The following PAPOLG variants were observed in gnomAD, a reference collection of about 807,000 sequenced individuals.
The protein encoded by PAPOLG is PAP-gamma.
A neutral mutation model predicts 99.0 loss-of-function variants in PAPOLG; 40 were observed. The observed-to-expected ratio is 0.40, with a 90% confidence interval of 0.31 to 0.53. The LOEUF (loss-of-function observed/expected upper bound fraction) is 0.53. Ranked by LOEUF, PAPOLG falls within the 20% of genes least tolerant of loss-of-function variation. The pLI is 0.41. For synonymous variants in PAPOLG, 310 were observed against 299.3 expected (o/e 1.04, Z -0.37); for missense variants, 675 against 884.1 (o/e 0.76, Z 3.00).
chr2:60,775,019 C>T lies in PAPOLG; in HGVS notation c.605-15C>T. On this transcript the variant is annotated splice_polypyrimidine_tract_variant and intron_variant, in intron 7 of 21. Coordinates refer to ENST00000238714, the MANE Select transcript of PAPOLG (RefSeq NM_022894.4). ...TTTGCTGCATAGTGAAAAATGAATG[C>T]TTTGTCTTTTTCAGGTTGTAGAGTT... 6.2e-7 allele frequency: 1 copy of T among 1,611,778 alleles called. No individual in the cohort carries two copies. The highest frequency in any genetic ancestry group is 1.1e-5 in the South Asian group (1 of 90,256).
At chr2:60,788,385 G>A (rs1406243469) in intron 15 of PAPOLG, among the ~76,000 whole-genome samples, 9 of 152,198 alleles carry the variant, frequency 5.9e-5, no homozygotes, top group South Asian at 2.1e-4. Flanking sequence ...GCAGTGGTGC[G>A]ATCTCAGCTC....
rs1472891290 is a variant in PAPOLG, at chr2:60,760,599, TGAA to T, written c.179+306_179+308del. 2.0e-5 allele frequency among the ~76,000 whole-genome samples: 3 copies of T among 152,116 alleles called. No homozygotes were observed. In the South Asian group the frequency reaches 6.2e-4, roughly 32 times the overall value. ...TTACATTTAAGGGAAAATTTAAAGA[TGAA>T]GGAGGGAGCCATGTGTCTATCTGAG... On this transcript the variant is annotated intron_variant, in intron 2 of 21. Transcript: ENST00000238714.
chr2:60,797,266 G>C lies in PAPOLG; in HGVS notation c.*106G>C, dbSNP rs1392388557. 7.2e-7 allele frequency: 1 copy of C among 1,397,116 alleles called. No homozygotes were observed. The highest frequency in any genetic ancestry group is 1.0e-6 in the Non-Finnish European group (1 of 1,001,060). 86.5% of individuals were successfully genotyped at this position (1,397,116 alleles called of 1,614,324 possible). On this transcript the variant is annotated 3_prime_UTR_variant, in exon 22 of 22. Coordinates refer to ENST00000238714, the MANE Select transcript of PAPOLG (RefSeq NM_022894.4). ...CTGTCATACGTGAAATAAGGTGAAA[G>C]TGACAGCCTTCAGTCTAATAACCTT...
intron 4 of PAPOLG, 87 bp downstream of exon 4, chr2:60,768,638 T>G: frequency 1.5e-6 from 2 of 1,356,908 alleles, no homozygotes; most frequent in Admixed American, 2.0e-5. Flanking sequence ...AAGTTCCCAC[T>G]ATTTCACTAC....
intron 3 of PAPOLG, among the ~76,000 whole-genome samples, chr2:60,764,627 T>C (rs1371522431): frequency 6.6e-6 from 1 of 152,112 alleles, no homozygotes; most frequent in African/African-American, 2.4e-5. Context: ...GGTTTTGCCA[T>C]GTTGGCCAGG....
chr2:60,769,815 C>T (rs1670795410), intron 5 of PAPOLG, among the ~76,000 whole-genome samples: 1 of 152,030 alleles, frequency 6.6e-6, no homozygotes, highest in Non-Finnish European at 1.5e-5. Context: ...AGGTTTGTTA[C>T]ATAGGTATAC....
At chr2:60,782,843 A>G in intron 12 of PAPOLG, 73 bp downstream of exon 12, 2 of 1,447,660 alleles carry the variant, frequency 1.4e-6, no homozygotes, top group African/African-American at 3.0e-5. Context: ...CATAGTTAAT[A>G]TATGGCAGGT....
chr2:60,791,756 TAC>T lies in PAPOLG; in HGVS notation c.1397-3_1397-2del. Reference sequence around the variant, plus strand: ...TTCCCATTTAACATATTAACATTGTTACAGTGTACAGACAGGCAAACAATATA... The same window carrying T: ...TTCCCATTTAACATATTAACATTGTTAGTGTACAGACAGGCAAACAATATA... On this transcript the variant is annotated splice_region_variant and splice_polypyrimidine_tract_variant and intron_variant, in intron 15 of 21. Coordinates refer to ENST00000238714, the MANE Select transcript of PAPOLG (RefSeq NM_022894.4). The T allele has an allele frequency of 6.3e-7, 1 of 1,597,132 alleles. No individual in the cohort carries two copies. The highest frequency in any genetic ancestry group is 8.5e-7 in the Non-Finnish European group (1 of 1,175,796).
chr2:60,790,314 A>G (rs1351171916), intron 15 of PAPOLG, among the ~76,000 whole-genome samples: 2 of 152,208 alleles, frequency 1.3e-5, no homozygotes, highest in African/African-American at 2.4e-5. Context: ...TTATAAATTT[A>G]TAAGATATTA....
At chr2:60,774,824 C>T in intron 7 of PAPOLG, among the ~76,000 whole-genome samples, 1 of 152,142 alleles carries the variant, frequency 6.6e-6, no homozygotes, top group East Asian at 1.9e-4. Flanking sequence ...TCAGGCACAT[C>T]TCATTTTGGA....
chr2:60,784,563 A>G (rs566564000), intron 13 of PAPOLG, among the ~76,000 whole-genome samples: 84 of 152,228 alleles, frequency 5.5e-4, no homozygotes, highest in Admixed American at 1.2e-3. Context: ...CAAAACAGCA[A>G]TACTGTTTTA....
intron 5 of PAPOLG, among the ~76,000 whole-genome samples, chr2:60,770,019 G>A (rs1670802430): frequency 1.3e-5 from 2 of 150,890 alleles, no homozygotes; most frequent in Non-Finnish European, 2.9e-5. Context: ...AACATGCTGT[G>A]TTTGGTTTTC....
In PAPOLG at chr2:60,800,916, T is replaced by G. The variant is rs1671822712; in HGVS notation, c.*3756T>G. The G allele has an allele frequency of 6.6e-6, 1 of 152,354 alleles. No homozygotes were observed. Among genetic ancestry groups the G allele is most frequent in the African/African-American group, 2.4e-5 (1 of 41,456 alleles). 9.4% of individuals were successfully genotyped at this position (152,354 alleles called of 1,614,324 possible). ...GCTCCTAACTAGTAAAATGGGCTGG[T>G]GAGGGACTCTGGAATTCTGAATTTC... On this transcript the variant is annotated 3_prime_UTR_variant, in exon 22 of 22. Transcript: ENST00000238714.
intron 8 of PAPOLG, among the ~76,000 whole-genome samples, chr2:60,778,141 A>G (rs1236776730): frequency 2.0e-5 from 3 of 152,136 alleles, no homozygotes; most frequent in African/African-American, 4.8e-5. Context: ...GTATGCCTTT[A>G]TATTTTATTT....
At chr2:60,792,623 G>A (rs569235285) in intron 17 of PAPOLG, among the ~76,000 whole-genome samples, 11 of 152,152 alleles carry the variant, frequency 7.2e-5, no homozygotes, top group African/African-American at 2.7e-4. Flanking sequence ...GGCCAGGCAC[G>A]GTGGCTCAGG....
intron 20 of PAPOLG, 87 bp from the exon 21 acceptor site, chr2:60,794,877 G>C: frequency 6.4e-7 from 1 of 1,572,088 alleles, no homozygotes; most frequent in South Asian, 1.1e-5. Flanking sequence ...TTATTTTCAG[G>C]TTTTCGTTAG....
chr2:60,783,322 C>CTAT, intron 13 of PAPOLG, 113 bp downstream of exon 13: 4 of 265,020 alleles, frequency 1.5e-5, no homozygotes, highest in Non-Finnish European at 2.4e-5. Context: ...ATTATTATAT[C>CTAT]TCTTTTTTTT....
intron 21 of PAPOLG, 115 bp downstream of exon 21, chr2:60,795,135 C>T: frequency 2.2e-6 from 2 of 895,542 alleles, no homozygotes; most frequent in Non-Finnish European, 3.5e-6. Context: ...GATTTTGTCC[C>T]TGTCCCCAAG....
At position 60,768,771 on chromosome 2, in the gene PAPOLG, TA is replaced by T; in HGVS notation, c.329-8del. 6.5e-7 allele frequency: 1 copy of T among 1,537,244 alleles called. No individual in the cohort carries two copies. Among genetic ancestry groups the T allele is most frequent in the South Asian group, 1.2e-5 (1 of 82,198 alleles). ...ATATATTCTTAATTAAGAACTACTT[TA>T]ATTTACAGGAGCTGACATTGATGCA... On this transcript the variant is annotated splice_polypyrimidine_tract_variant and intron_variant, in intron 4 of 21. Transcript: ENST00000238714.
Sources: allele counts gnomAD v4.1 joint callset (sites outside exome capture counted in the v4.1 genomes callset), GRCh38; gene constraint gnomAD v4.1.1; transcripts MANE v1.5; gene names NCBI Gene and HGNC (gene_info 2026-07-23, HGNC 2026-07-21).